PLCG2: variants seen among roughly 807,000 people sequenced by gnomAD.
The protein encoded by PLCG2 is 1-phosphatidylinositol 4,5-bisphosphate phosphodiesterase gamma-2.
In PLCG2, 69 loss-of-function variants were observed where a neutral mutation model predicts 175.6. That is an observed-to-expected ratio of 0.39 (90% CI 0.32 to 0.48). The LOEUF (loss-of-function observed/expected upper bound fraction) is 0.48. Ranked by LOEUF, PLCG2 falls within the 20% of genes least tolerant of loss-of-function variation. The pLI, the probability that PLCG2 is intolerant of heterozygous loss-of-function variation, is 0.91. For missense variants in PLCG2, 1,798 were observed against 1,650.9 expected (o/e 1.09, Z -1.54); for synonymous variants, 827 against 624.0 (o/e 1.33, Z -4.85).
chr16:81,814,103 G>C (rs947822106), intron 2 of PLCG2, among the ~76,000 whole-genome samples: 1 of 152,164 alleles, frequency 6.6e-6, no homozygotes, highest in African/African-American at 2.4e-5. Flanking sequence ...GAGAGGATAA[G>C]GGGCTGGGAA....
intron 31 of PLCG2, among the ~76,000 whole-genome samples, chr16:81,947,489 C>T (rs1911197095): frequency 6.6e-6 from 1 of 152,200 alleles, no homozygotes; most frequent in Non-Finnish European, 1.5e-5. Flanking sequence ...CCTGGGCTTT[C>T]TCCTTAATGC....
chr16:81,841,678 G>T (rs59786855), intron 2 of PLCG2, among the ~76,000 whole-genome samples: 26,301 of 152,110 alleles, frequency 0.17, 3,162 homozygotes, highest in East Asian at 0.53. Context: ...GAAAGAGCTG[G>T]ATTTAACTCA....
At chr16:81,882,919 C>G (rs1167923348) in intron 8 of PLCG2, among the ~76,000 whole-genome samples, 4 of 150,484 alleles carry the variant, frequency 2.7e-5, no homozygotes, top group South Asian at 2.2e-4. Context: ...CCACCCTCAT[C>G]TCTTGCTACA....
rs1290108367 is a variant in PLCG2 at position 81,895,698 on chromosome 16, A to G, written c.1073-109A>G. 2.5e-6 allele frequency: 3 copies of G among 1,199,036 alleles called. No homozygotes were observed. In the African/African-American group the frequency reaches 4.5e-5, roughly 18 times the overall value. 74.3% of individuals were successfully genotyped at this position (1,199,036 alleles called of 1,614,324 possible). ...CTCGTGTTGGCAGCCGAATGGAGGG[A>G]GTGTGGGTGTCCTTGTCTAGTAACT... On this transcript the variant is annotated intron_variant, in intron 12 of 32. Coordinates refer to ENST00000564138, the MANE Select transcript of PLCG2 (RefSeq NM_002661.5).
chr16:81,790,567 G>T (rs1911186451), intron 2 of PLCG2, among the ~76,000 whole-genome samples: 1 of 152,198 alleles, frequency 6.6e-6, no homozygotes, highest in Admixed American at 6.5e-5. Flanking sequence ...ACGGGGTTCT[G>T]GTTAGCAGGA....
At position 81,771,057 on chromosome 16, in the gene PLCG2, C is replaced by CAAA. The variant is rs762815312; in HGVS notation, c.-47-14873_-47-14871dup. ...TTGGTGACAGAGCGAGACTCCATCT[C>CAAA]AAAAAAAAAAAAAAATAAATAAATA... On this transcript the variant is annotated intron_variant, in intron 2 of 5. Coordinates refer to the PLCG2 transcript ENST00000565054. Among the ~76,000 whole-genome samples the CAAA allele has an allele frequency of 3.6e-3, 337 of 94,548 alleles. 3 individuals carry two copies. Among genetic ancestry groups the CAAA allele is most frequent in the African/African-American group, 0.015 (299 of 19,946 alleles). 62.0% of individuals were successfully genotyped at this position (94,548 alleles called of 152,430 possible). A position where few individuals can be genotyped will look rare whatever the true frequency, so the allele number is the denominator to read the frequency against.
chr16:81,866,944 C>T (rs1470717315), intron 5 of PLCG2, among the ~76,000 whole-genome samples: 2 of 152,272 alleles, frequency 1.3e-5, no homozygotes, highest in Non-Finnish European at 2.9e-5. Context: ...ACTTCCCTAG[C>T]CTGCTGGCCG....
chr16:81,910,719 C>T lies in PLCG2; in HGVS notation c.1933C>T (p.Pro645Ser). The change falls in exon 18 of 33, where the codon CCG (proline) becomes TCG (serine). Residue 645 changes from proline to serine, a missense_variant and splice_region_variant. Coordinates refer to ENST00000564138, the MANE Select transcript of PLCG2 (RefSeq NM_002661.5). ...CAACCCCAACCCCCACGAGTCCAAG[C>T]CGTACGTGTCTGAGGGTGGAGCAGG... Reference protein sequence around the residue: ...VPNPNPHESKPWYYDSLSRGE... With the variant: ...VPNPNPHESKSWYYDSLSRGE... The T allele has an allele frequency of 1.9e-6, 3 of 1,607,122 alleles. No homozygotes were observed. The highest frequency in any genetic ancestry group is 1.1e-5 in the South Asian group (1 of 91,060).
intron 12 of PLCG2, 133 bp downstream of exon 12, chr16:81,893,927 A>G (rs1908758914): frequency 7.6e-6 from 4 of 526,072 alleles, no homozygotes; most frequent in Admixed American, 7.7e-5. Flanking sequence ...TTATGGAGTT[A>G]GAGTGTGATG....
At chr16:81,927,201 C>G (rs1285562755) in intron 23 of PLCG2, 23 bp downstream of exon 23, 3 of 1,520,966 alleles carry the variant, frequency 2.0e-6, no homozygotes, top group Non-Finnish European at 2.7e-6. Context: ...CTTCGATCCT[C>G]TTACAGGAAG....
chr16:81,746,228 C>T (rs954622264), intron 1 of PLCG2, among the ~76,000 whole-genome samples: 3 of 152,188 alleles, frequency 2.0e-5, no homozygotes, highest in Non-Finnish European at 2.9e-5. Flanking sequence ...CAGCCCTCCC[C>T]GGTGCTTCCC....
intron 1 of PLCG2, among the ~76,000 whole-genome samples, chr16:81,780,022 C>A (rs192143951): frequency 6.6e-6 from 1 of 152,180 alleles, no homozygotes; most frequent in Non-Finnish European, 1.5e-5. Context: ...GAGGGCATTA[C>A]CCGCACAGCG....
chr16:81,765,373 G>A (rs1392926229), intron 2 of PLCG2, among the ~76,000 whole-genome samples: 1 of 152,270 alleles, frequency 6.6e-6, no homozygotes, highest in African/African-American at 2.4e-5. Context: ...GCTCATGCCT[G>A]TAATTCCAGC....
rs8053636 is a variant in PLCG2, at chr16:81,897,757, T to C, written c.1193+1830T>C. ...ATAGGGTTTCACTATGTTGGCCAGG[T>C]TGGTCTTGAACTCATGACCTCAGGT... On this transcript the variant is annotated intron_variant, in intron 13 of 32. Coordinates refer to ENST00000564138, the MANE Select transcript of PLCG2 (RefSeq NM_002661.5). 0.66 allele frequency: 288,458 copies of C among 434,288 alleles called. 96,333 individuals are homozygous for C. Among genetic ancestry groups the C allele is most frequent in the East Asian group, 0.77 (10,525 of 13,642 alleles). The allele number at this position is 434,288 out of a possible 1,614,324, so 26.9% of individuals were successfully genotyped here.
chr16:81,867,999 G>A (rs1036750432), intron 5 of PLCG2, among the ~76,000 whole-genome samples: 1 of 152,148 alleles, frequency 6.6e-6, no homozygotes, highest in Non-Finnish European at 1.5e-5. Context: ...ACCGTGCCTG[G>A]CCCTCGCTTC....
chr16:81,770,787 G>A (rs1451002123), intron 2 of PLCG2, among the ~76,000 whole-genome samples: 7 of 152,086 alleles, frequency 4.6e-5, no homozygotes, highest in African/African-American at 1.7e-4. Flanking sequence ...GGCCGGGCGC[G>A]GTGGCTCACG....
Position 81,926,261 on chromosome 16 carries a change from G to T in PLCG2, c.2418-821G>T, listed in dbSNP as rs948903975. Among the ~76,000 whole-genome samples, 5 of 152,218 alleles carry T rather than the reference G, an allele frequency of 3.3e-5. 1 individual carries two copies. In the South Asian group the frequency reaches 1.0e-3, roughly 31 times the overall value. ...TGGGCCGTGGCTGCCATGTTGAAGA[G>T]TCTGGGCTGGATTCTGGAGGCCCTG... On this transcript the variant is annotated intron_variant, in intron 22 of 32. Coordinates refer to ENST00000564138, the MANE Select transcript of PLCG2 (RefSeq NM_002661.5).
intron 31 of PLCG2, among the ~76,000 whole-genome samples, chr16:81,956,319 G>A (rs1911566606): frequency 6.6e-6 from 1 of 152,060 alleles, no homozygotes. Flanking sequence ...CTCCTCTGCT[G>A]GGTTCCACTT....
intron 5 of PLCG2, among the ~76,000 whole-genome samples, chr16:81,868,032 T>A (rs1907332030): frequency 6.6e-6 from 1 of 152,206 alleles, no homozygotes; most frequent in African/African-American, 2.4e-5. Flanking sequence ...AACCTCACTA[T>A]GTGGCTTCGA....
Sources: allele counts gnomAD v4.1 joint callset (sites outside exome capture counted in the v4.1 genomes callset), GRCh38; gene constraint gnomAD v4.1.1; transcripts MANE v1.5; gene names NCBI Gene and HGNC (gene_info 2026-07-23, HGNC 2026-07-21).